GRXCR1: variants seen among roughly 807,000 people sequenced by gnomAD.
GRXCR1 encodes glutaredoxin and cysteine rich domain containing 1, also known as glutaredoxin domain-containing cysteine-rich protein 1.
In GRXCR1, 27 loss-of-function variants were observed where a neutral mutation model predicts 27.3. The ratio of observed to expected loss-of-function variants is 0.99; its 90% CI spans 0.73 to 1.37. The LOEUF (loss-of-function observed/expected upper bound fraction) is 1.37, where lower values mean the gene tolerates loss of function less well. Among genes scored for constraint, GRXCR1 ranks in the 40% most tolerant of loss-of-function variants. The pLI, the probability that GRXCR1 is intolerant of heterozygous loss-of-function variation, is 0.00. For missense variants in GRXCR1, 379 were observed against 354.4 expected (o/e 1.07, Z -0.56); for synonymous variants, 122 against 131.1 (o/e 0.93, Z 0.47).
At chr4:42,976,614 C>A (rs948547555) in intron 2 of GRXCR1, among the ~76,000 whole-genome samples, 1 of 151,934 alleles carries the variant, frequency 6.6e-6, no homozygotes, top group Non-Finnish European at 1.5e-5. Context: ...CCCTCATATT[C>A]CTTCCATAGA....
At chr4:43,006,643 G>T (rs911596571) in intron 2 of GRXCR1, among the ~76,000 whole-genome samples, 2 of 152,278 alleles carry the variant, frequency 1.3e-5, no homozygotes, top group Non-Finnish European at 2.9e-5. Flanking sequence ...AATGACAATG[G>T]TGCCCGAAAC....
intron 2 of GRXCR1, among the ~76,000 whole-genome samples, chr4:43,016,151 A>G (rs548439288): frequency 6.6e-6 from 1 of 152,354 alleles, no homozygotes; most frequent in South Asian, 2.1e-4. Context: ...TATTGTGTAA[A>G]ATAGATTGCT....
chr4:42,953,841 A>C (rs911370517), intron 1 of GRXCR1, among the ~76,000 whole-genome samples: 1 of 152,106 alleles, frequency 6.6e-6, no homozygotes, highest in Non-Finnish European at 1.5e-5. Flanking sequence ...CTGAGAGTTC[A>C]TGATTCATTA....
At chr4:42,916,728 C>T (rs1577904345) in intron 1 of GRXCR1, among the ~76,000 whole-genome samples, 1 of 152,008 alleles carries the variant, frequency 6.6e-6, no homozygotes, top group Admixed American at 6.6e-5. Flanking sequence ...CAGCCATTTT[C>T]CCCAATGTAA....
chr4:42,953,024 G>T (rs1369965086), intron 1 of GRXCR1, among the ~76,000 whole-genome samples: 1 of 152,082 alleles, frequency 6.6e-6, no homozygotes, highest in African/African-American at 2.4e-5. Context: ...TAATAAATAG[G>T]CATTCTAGTC....
intron 2 of GRXCR1, among the ~76,000 whole-genome samples, chr4:42,981,656 G>A (rs1437718656): frequency 6.6e-6 from 1 of 152,126 alleles, no homozygotes; most frequent in Non-Finnish European, 1.5e-5. Flanking sequence ...GTGCATCTGG[G>A]AAAGTCCGTC....
chr4:42,946,096 T>G (rs1276458814), intron 1 of GRXCR1, among the ~76,000 whole-genome samples: 3 of 152,282 alleles, frequency 2.0e-5, no homozygotes, highest in African/African-American at 7.2e-5. Context: ...GTAGTTTCAA[T>G]TTAATCAGAG....
At chr4:42,974,754 T>C (rs1748471503) in intron 2 of GRXCR1, among the ~76,000 whole-genome samples, 1 of 152,134 alleles carries the variant, frequency 6.6e-6, no homozygotes, top group African/African-American at 2.4e-5. Flanking sequence ...TAAGCACTCA[T>C]GAATGCCTGG....
intron 1 of GRXCR1, among the ~76,000 whole-genome samples, chr4:42,925,681 C>A (rs143940187): frequency 1.3e-5 from 2 of 152,046 alleles, no homozygotes; most frequent in African/African-American, 4.8e-5. Context: ...GAAACAGAAT[C>A]ACTTGGACTT....
At chr4:42,913,686 C>T (rs1746816814) in intron 1 of GRXCR1, among the ~76,000 whole-genome samples, 1 of 152,282 alleles carries the variant, frequency 6.6e-6, no homozygotes, top group East Asian at 1.9e-4. Flanking sequence ...ATCTTAATCA[C>T]CAAGCCAATG....
chr4:43,003,037 C>T (rs1712427476), intron 2 of GRXCR1, among the ~76,000 whole-genome samples: 1 of 152,126 alleles, frequency 6.6e-6, no homozygotes, highest in African/African-American at 2.4e-5. Flanking sequence ...CAGCCCTTCC[C>T]CTGTCTCTCC....
At chr4:43,025,868 C>T (rs556603266) in intron 3 of GRXCR1, among the ~76,000 whole-genome samples, 2 of 150,846 alleles carry the variant, frequency 1.3e-5, no homozygotes, top group East Asian at 2.0e-4. Flanking sequence ...CCCAGCTACT[C>T]GGGAGGCTGA....
intron 2 of GRXCR1, among the ~76,000 whole-genome samples, chr4:42,969,700 C>T (rs964337587): frequency 3.9e-5 from 6 of 152,050 alleles, no homozygotes; most frequent in African/African-American, 1.4e-4. Flanking sequence ...CTCCCTGGCA[C>T]ACAGGCATTA....
intron 1 of GRXCR1, among the ~76,000 whole-genome samples, chr4:42,948,137 A>C (rs1358925604): frequency 6.6e-6 from 1 of 152,150 alleles, no homozygotes; most frequent in African/African-American, 2.4e-5. Flanking sequence ...TTTATGCAAA[A>C]ATTTAAAACA....
At chr4:42,987,254 T>A (rs1560676933) in intron 2 of GRXCR1, among the ~76,000 whole-genome samples, 3 of 67,002 alleles carry the variant, frequency 4.5e-5, no homozygotes, top group African/African-American at 1.6e-4. Context: ...ATATAATATA[T>A]ATATATAATA....
chr4:42,971,372 A>G (rs1748383418), intron 2 of GRXCR1, among the ~76,000 whole-genome samples: 1 of 152,140 alleles, frequency 6.6e-6, no homozygotes, highest in South Asian at 2.1e-4. Flanking sequence ...TTCCTGTATT[A>G]GTTCATTTTC....
chr4:42,920,608 T>G (rs932248599), intron 1 of GRXCR1, among the ~76,000 whole-genome samples: 2 of 152,148 alleles, frequency 1.3e-5, no homozygotes, highest in African/African-American at 4.8e-5. Context: ...CAGATCCCAG[T>G]GCATGTCAGT....
At chr4:42,944,197 A>G (rs1321192522) in intron 1 of GRXCR1, among the ~76,000 whole-genome samples, 2 of 152,222 alleles carry the variant, frequency 1.3e-5, no homozygotes, top group East Asian at 3.9e-4. Flanking sequence ...AGGGTCTGGT[A>G]GAAGATGGAC....
intron 1 of GRXCR1, among the ~76,000 whole-genome samples, chr4:42,922,343 C>G (rs558273257): frequency 6.6e-6 from 1 of 152,206 alleles, no homozygotes; most frequent in South Asian, 2.1e-4. Context: ...ACCTCCTACA[C>G]CTGTGTGTGG....
Sources: gnomAD v4.1 joint callset for allele counts (sites outside exome capture counted in the v4.1 genomes callset) on GRCh38, gnomAD v4.1.1 for gene constraint, MANE v1.5 for transcripts, NCBI Gene and HGNC (gene_info 2026-07-23, HGNC 2026-07-21) for gene names.